Variants in FAM91A1 observed in about 807,000 individuals in gnomAD.
FAM91A1 encodes family with sequence similarity 91 member A1.
Under a neutral mutation model 113.5 loss-of-function variants are expected in FAM91A1, and 41 were observed. That is an observed-to-expected ratio of 0.36 (90% CI 0.28 to 0.47). FAM91A1 has a LOEUF of 0.47. Among genes scored for constraint, FAM91A1 ranks in the 20% least tolerant of loss-of-function variants. The probability of loss-of-function intolerance (pLI) is 1.00; values close to 1 mark genes in which losing one functional copy is unlikely to be tolerated. For missense variants in FAM91A1, 696 were observed against 1,001.2 expected, an observed-to-expected ratio of 0.70 and a Z score of 4.11; for synonymous variants, 307 against 347.9, an observed-to-expected ratio of 0.88 and a Z score of 1.31.
Position 123,784,452 on chromosome 8 carries a change from C to T in FAM91A1, c.704-18C>T, listed in dbSNP as rs766651407. The T allele has an allele frequency of 1.3e-6, 2 of 1,565,196 alleles. No homozygotes were observed. The highest frequency in any genetic ancestry group is 1.4e-5 in the African/African-American group (1 of 73,172). ...TAAAATCTGTACCACTGAGAAAAAT[C>T]TCTTCTGTTTGTTTTAGTTCCACCT... On this transcript the variant is annotated intron_variant, in intron 8 of 23. Transcript: ENST00000334705.
At chr8:123,781,112 C>T (rs999524894) in intron 8 of FAM91A1, among the ~76,000 whole-genome samples, 5 of 152,028 alleles carry the variant, frequency 3.3e-5, no homozygotes, top group Admixed American at 6.6e-5. Flanking sequence ...GTTCAATATC[C>T]TTGAATACAG....
chr8:123,773,800 T>C (rs1541876), intron 1 of FAM91A1, among the ~76,000 whole-genome samples: 10,386 of 152,250 alleles, frequency 0.068, 487 homozygotes, highest in Non-Finnish European at 0.1. Context: ...CAAAGTGAAG[T>C]TACACTCACC....
At chr8:123,794,665 T>G (rs1186596040) in intron 15 of FAM91A1, among the ~76,000 whole-genome samples, 1 of 152,230 alleles carries the variant, frequency 6.6e-6, no homozygotes, top group Non-Finnish European at 1.5e-5. Context: ...CTATTGCAGT[T>G]AAAAGTGATC....
intron 18 of FAM91A1, among the ~76,000 whole-genome samples, chr8:123,804,455 C>T (rs917395990): frequency 4.1e-5 from 5 of 120,882 alleles, no homozygotes; most frequent in African/African-American, 1.6e-4. Flanking sequence ...TGTGTCATTG[C>T]ACTCCAGTCT....
chr8:123,778,172 A>C, intron 5 of FAM91A1, 80 bp downstream of exon 5: 1 of 1,054,524 alleles, frequency 9.5e-7, no homozygotes, highest in Non-Finnish European at 1.4e-6. Context: ...GAAATAATGA[A>C]TTGTATGTCT....
In FAM91A1 at chr8:123,800,813, A is replaced by G. The variant is rs565198880; in HGVS notation, c.1809+928A>G. ...TTGTGACTGGCTTCCTTCATTTAAC[A>G]TAATGTTTTCAAGGTTCATCATGTT... On this transcript the variant is annotated intron_variant, in intron 18 of 23. Coordinates refer to ENST00000334705, the MANE Select transcript of FAM91A1 (RefSeq NM_144963.4). Among the ~76,000 whole-genome samples the G allele has an allele frequency of 1.2e-4, 18 of 152,210 alleles. No individual in the cohort carries two copies. The East Asian group carries it at 3.1e-3, about 26-fold the overall frequency.
intron 18 of FAM91A1, among the ~76,000 whole-genome samples, chr8:123,803,459 C>T (rs1018092948): frequency 7.9e-5 from 12 of 151,992 alleles, no homozygotes; most frequent in Admixed American, 2.6e-4. Context: ...TACAAGCTCA[C>T]GCCACCATGC....
Position 123,780,518 on chromosome 8 carries a change from A to G in FAM91A1, c.679A>G (p.Ile227Val). The G allele has an allele frequency of 6.2e-7, 1 of 1,611,270 alleles. No individual in the cohort carries two copies. ...AGGATTTATTTATCTGGATGTACCA[A>G]TATCTGATGACAGTTGTATAGCAGG... ...NKGFIYLDVP[I>V]SDDSCIAVPP... The change falls in exon 8 of 24, where the codon ATA (isoleucine) becomes GTA (valine). Residue 227 changes from isoleucine to valine, a missense_variant. Transcript: ENST00000334705.
chr8:123,777,103 G>A (rs1265090378), intron 3 of FAM91A1, among the ~76,000 whole-genome samples, 162 bp from the exon 4 acceptor site: 1 of 152,196 alleles, frequency 6.6e-6, no homozygotes, highest in African/African-American at 2.4e-5. Context: ...GAACATGTGT[G>A]GAAAGTGCCA....
chr8:123,784,564 A>G lies in FAM91A1; in HGVS notation c.798A>G (p.Thr266=). The part of the protein sequence containing the change: ...YKIFVSIDEH[T]NVAELANVLE... ...TATTTGTTTCAATAGATGAGCACACAAATGTTGCAGAGGTAAGTTTGACAA... is the reference window on the plus strand; with the variant it reads ...TATTTGTTTCAATAGATGAGCACACGAATGTTGCAGAGGTAAGTTTGACAA... Residue 266 remains threonine, a synonymous_variant, in exon 9 of 24, where the codon ACA becomes ACG. Transcript: ENST00000334705. The G allele has an allele frequency of 1.2e-6, 2 of 1,602,438 alleles. No homozygotes were observed. The highest frequency in any genetic ancestry group is 2.3e-5 in the East Asian group (1 of 44,346).
intron 4 of FAM91A1, 104 bp from the exon 5 acceptor site, chr8:123,777,921 T>C (rs1586370715): frequency 2.2e-6 from 2 of 902,742 alleles, no homozygotes; most frequent in Non-Finnish European, 3.4e-6. Context: ...TGACTAGTAA[T>C]TGAAAGATGA....
At chr8:123,783,373 C>T (rs7015861) in intron 8 of FAM91A1, among the ~76,000 whole-genome samples, 58,479 of 151,414 alleles carry the variant, frequency 0.39, 15,201 homozygotes, top group African/African-American at 0.74. Flanking sequence ...TTGTCAAAGA[C>T]GGGATTTCTA....
chr8:123,812,390 GCAT>G, intron 23 of FAM91A1, 126 bp from the exon 24 acceptor site: 8 of 650,218 alleles, frequency 1.2e-5, no homozygotes, highest in South Asian at 8.6e-5. Context: ...GTAGATCTTT[GCAT>G]CTCCTGTACT....
rs200380252 is a variant in FAM91A1, at chr8:123,810,364, A to G, written c.2331+13A>G. 25 of 1,612,236 alleles carry G rather than the reference A, an allele frequency of 1.6e-5. No homozygotes were observed. The Admixed American group carries it at 2.3e-4, about 15-fold the overall frequency. ...TCACTCATTCCAGGTAACAAAAACC[A>G]AAAAGTCCAAATGGTACTTGTACTG... On this transcript the variant is annotated intron_variant, in intron 23 of 23. Transcript: ENST00000334705.
chr8:123,798,180 T>G lies in FAM91A1; in HGVS notation c.1502T>G (p.Leu501Arg), dbSNP rs1206378106. 6.2e-7 allele frequency: 1 copy of G among 1,614,148 alleles called. No individual in the cohort carries two copies. Among genetic ancestry groups the G allele is most frequent in the Non-Finnish European group, 8.5e-7 (1 of 1,180,016 alleles). The change falls in exon 16 of 24, where the codon CTT becomes CGT. Residue 501 changes from leucine (L) to arginine (R), a missense_variant. Coordinates refer to ENST00000334705, the MANE Select transcript of FAM91A1 (RefSeq NM_144963.4). ...SRVLNKNYTL[L>R]VSMAPLTNEI... Reference sequence around the variant, plus strand: ...GTTCTAAACAAAAATTACACGCTGCTTGTTTCCATGGCTCCCCTCACCAAT... The same window carrying G: ...GTTCTAAACAAAAATTACACGCTGCGTGTTTCCATGGCTCCCCTCACCAAT...
intron 8 of FAM91A1, among the ~76,000 whole-genome samples, chr8:123,782,450 T>C (rs1231266371): frequency 6.6e-6 from 1 of 152,214 alleles, no homozygotes; most frequent in African/African-American, 2.4e-5. Flanking sequence ...GTTGGTGATA[T>C]AAATATAAAT....
chr8:123,809,162 G>T, intron 22 of FAM91A1, 146 bp downstream of exon 22: 4 of 1,232,350 alleles, frequency 3.2e-6, no homozygotes, highest in African/African-American at 3.0e-5. Flanking sequence ...CTAGTTTAAG[G>T]GTTTTGCTGT....
chr8:123,783,283 G>A (rs995581804), intron 8 of FAM91A1, among the ~76,000 whole-genome samples: 4 of 152,122 alleles, frequency 2.6e-5, no homozygotes, highest in Admixed American at 1.3e-4. Context: ...AAAGTACTTG[G>A]TAATAGCCTA....
intron 10 of FAM91A1, 67 bp from the exon 11 acceptor site, chr8:123,785,562 T>TC: frequency 9.2e-7 from 1 of 1,082,760 alleles, no homozygotes; most frequent in Admixed American, 2.3e-5. Context: ...CACTATTTTT[T>TC]CTCTACAAAT....
Sources: allele counts gnomAD v4.1 joint callset (sites outside exome capture counted in the v4.1 genomes callset), GRCh38; gene constraint gnomAD v4.1.1; transcripts MANE v1.5; gene names NCBI Gene and HGNC (gene_info 2026-07-23, HGNC 2026-07-21).